SEC14L4: variants seen among roughly 807,000 people sequenced by gnomAD.
SEC14L4 encodes the protein SEC14 like lipid binding 4, also known as SEC14-like protein 4.
SEC14L4 carries 42 observed loss-of-function variants against 55.1 expected under a neutral mutation model. The ratio of observed to expected loss-of-function variants is 0.76; its 90% CI spans 0.60 to 0.99. SEC14L4 has a LOEUF of 0.99. Among genes scored for constraint, SEC14L4 ranks in the 50% least tolerant of loss-of-function variants. The probability of loss-of-function intolerance (pLI) is 0.00; values close to 1 mark genes in which losing one functional copy is unlikely to be tolerated. For missense variants in SEC14L4, 445 were observed against 512.1 expected (o/e 0.87, Z 1.27); for synonymous variants, 206 against 206.8 (o/e 1.00, Z 0.03).
chr22:30,490,139 G>A lies in SEC14L4; in HGVS notation c.1189C>T (p.Leu397Phe), dbSNP rs1203265700. 1 of 1,614,058 alleles carries A rather than the reference G, an allele frequency of 6.2e-7. No homozygotes were observed. The highest frequency in any genetic ancestry group is 2.2e-5 in the East Asian group (1 of 44,880). Residue 397 changes from leucine (L) to phenylalanine (F), a missense_variant, in exon 12 of 12, where the codon CTC (leucine) becomes TTC (phenylalanine). Leu to Phe is a conservative substitution (Grantham distance 22). Coordinates refer to ENST00000255858, the MANE Select transcript of SEC14L4 (RefSeq NM_174977.4). ...GTTGGGGAGGGTCTCATCGCCTTGA[G>A]ACTCTGCAGCGTCTCCTCAGAGGCC... ...DKASEETLQS[L>F]KAMRPSPTQ
rs773881704 is a variant in SEC14L4 at position 30,491,612 on chromosome 22, G to C, written c.1042C>G (p.Pro348Ala). 1.2e-6 allele frequency: 2 copies of C among 1,613,996 alleles called. No homozygotes were observed. The highest frequency in any genetic ancestry group is 1.7e-6 in the Non-Finnish European group (2 of 1,180,008). ...PSQRYNAHMV[P>A]EDGSLTCLQA... is the part of the protein sequence containing the mutation. The stretch of plus-strand genomic sequence containing the variant: ...AGGCAGGTGAGGCTCCCATCCTCAG[G>C]CACCATGTGGGCATTGTAGCGCTGG... The change falls in exon 11 of 12, where the codon CCT (proline) becomes GCT (alanine). Residue 348 changes from proline (P) to alanine (A), a missense_variant. By Grantham distance (27) the Pro-to-Ala change is conservative. Coordinates refer to ENST00000255858, the MANE Select transcript of SEC14L4 (RefSeq NM_174977.4).
At chr22:30,505,052 A>G (rs977823299) in intron 1 of SEC14L4, among the ~76,000 whole-genome samples, 6 of 151,694 alleles carry the variant, frequency 4.0e-5, no homozygotes, top group African/African-American at 1.5e-4. Flanking sequence ...GAATCGCTTG[A>G]ACTCAGGAGG....
chr22:30,496,933 G>A (rs111957683), intron 2 of SEC14L4, among the ~76,000 whole-genome samples: 2 of 152,256 alleles, frequency 1.3e-5, no homozygotes, highest in African/African-American at 4.8e-5. Flanking sequence ...GGCTCACTGA[G>A]GAATTTGTCC....
intron 11 of SEC14L4, chr22:30,491,278 C>G (rs1601840991): frequency 2.3e-6 from 1 of 431,114 alleles, no homozygotes; most frequent in East Asian, 3.8e-5. Flanking sequence ...TGCCAAGACC[C>G]CTGACTCTAA....
At chr22:30,495,852 A>C in intron 3 of SEC14L4, 76 bp downstream of exon 3, 1 of 1,591,638 alleles carries the variant, frequency 6.3e-7, no homozygotes, top group South Asian at 1.1e-5. Context: ...ACAGGGCCAG[A>C]GTCTCTACCC....
chr22:30,494,767 C>T (rs1272490039), intron 6 of SEC14L4, 99 bp downstream of exon 6: 2 of 785,372 alleles, frequency 2.5e-6, no homozygotes, highest in Non-Finnish European at 2.2e-6. Flanking sequence ...AAGGCATCCC[C>T]ACCCCTCTAT....
Position 30,489,654 on chromosome 22 carries a change from ACCT to A in SEC14L4, c.*450_*452del. ...CAGCTGGGCCTGCCCACCCCTGCTGACCTCCTACATGCAGAGAACAGGGCTTCT... is the reference window on the plus strand; with the variant it reads ...CAGCTGGGCCTGCCCACCCCTGCTGACCTACATGCAGAGAACAGGGCTTCT... On this transcript the variant is annotated 3_prime_UTR_variant, in exon 12 of 12. Transcript: ENST00000255858. The A allele has an allele frequency of 1.7e-6, 1 of 603,800 alleles. No individual in the cohort carries two copies. Among genetic ancestry groups the A allele is most frequent in the East Asian group, 2.8e-5 (1 of 36,076 alleles). The allele number at this position is 603,800 out of a possible 1,614,324, so 37.4% of individuals were successfully genotyped here. A position where few individuals can be genotyped will look rare whatever the true frequency, so the allele number is the denominator to read the frequency against.
chr22:30,494,121 C>T, intron 7 of SEC14L4, 29 bp downstream of exon 7: 2 of 1,567,630 alleles, frequency 1.3e-6, no homozygotes, highest in Non-Finnish European at 8.8e-7. Flanking sequence ...TTCTCCCTCC[C>T]CAGGAGGTCA....
In SEC14L4 at chr22:30,490,030, A is replaced by G. The variant is rs1395849317; in HGVS notation, c.*77T>C. On this transcript the variant is annotated 3_prime_UTR_variant, in exon 12 of 12. Transcript: ENST00000255858. ...GCTCTCTGCAGCCACCTCCAGCACC[A>G]CCCTGCCTGGGAAGGCAGGGGTCAG... The G allele has an allele frequency of 1.3e-6, 2 of 1,589,740 alleles. No individual in the cohort carries two copies.
intron 3 of SEC14L4, 73 bp from the exon 4 acceptor site, chr22:30,495,715 A>G (rs773345051): frequency 6.2e-7 from 1 of 1,612,200 alleles, no homozygotes. Flanking sequence ...CTCTGCCCAC[A>G]GCCACCAAGA....
chr22:30,496,039 T>C, intron 2 of SEC14L4, 68 bp from the exon 3 acceptor site: 4 of 1,370,996 alleles, frequency 2.9e-6, no homozygotes. Context: ...TAAAAACTCA[T>C]GAGGAAACAG....
intron 2 of SEC14L4, among the ~76,000 whole-genome samples, chr22:30,497,656 C>T (rs1936193053): frequency 6.6e-6 from 1 of 152,264 alleles, no homozygotes; most frequent in Non-Finnish European, 1.5e-5. Flanking sequence ...CCAAATCTGA[C>T]CTGTGATGAT....
At position 30,490,290 on chromosome 22, in the gene SEC14L4, T is replaced by TCC. The variant is rs747288826; in HGVS notation, c.1082-45_1082-44insGG. The TCC allele has an allele frequency of 1.0e-5, 16 of 1,606,514 alleles. No homozygotes were observed. The Admixed American group carries it at 2.7e-4, about 27-fold the overall frequency. ...GATCAGGGAGCACAAACCCCGCACA[T>TCC]CTGCAGGAAGAGCCAGCCCTGCATG... On this transcript the variant is annotated intron_variant, in intron 11 of 11. Coordinates refer to ENST00000255858, the MANE Select transcript of SEC14L4 (RefSeq NM_174977.4).
At chr22:30,505,118 C>G (rs8135296) in intron 1 of SEC14L4, among the ~76,000 whole-genome samples, 2,413 of 131,074 alleles carry the variant, frequency 0.018, 43 homozygotes, top group Middle Eastern at 0.06. Flanking sequence ...GACGACAGAG[C>G]AAGACTCCAT....
Position 30,492,063 on chromosome 22 carries a change from T to G in SEC14L4, c.757A>C (p.Lys253Gln). 1.9e-6 allele frequency: 3 copies of G among 1,613,780 alleles called. No homozygotes were observed. The East Asian group carries it at 6.7e-5, about 36-fold the overall frequency. The part of the protein sequence containing the change: ...GTMTDPDGNP[K>Q]CLTKINYGGE... ...GCACCCTGTACCTTGGTCAGGCACT[T>G]GGGGTTGCCATCGGGGTCAGTCATG... The change falls in exon 9 of 12, where the codon AAG (lysine) becomes CAG (glutamine). Residue 253 changes from lysine to glutamine, a missense_variant. Lys to Gln is a moderately conservative substitution (Grantham distance 53). Transcript: ENST00000255858.
chr22:30,489,689 T>C lies in SEC14L4; in HGVS notation c.*418A>G. ...TGCAGAGAACAGGGCTTCTCTGCTC[T>C]TCAGGCCTGAAGCTGTGATGTCCAC... On this transcript the variant is annotated 3_prime_UTR_variant, in exon 12 of 12. Transcript: ENST00000255858. 3.0e-6 allele frequency: 2 copies of C among 660,348 alleles called. No individual in the cohort carries two copies. The highest frequency in any genetic ancestry group is 2.7e-5 in the East Asian group (1 of 36,902). The allele number at this position is 660,348 out of a possible 1,614,324, so 40.9% of individuals were successfully genotyped here.
At chr22:30,494,104 T>A (rs775581224) in intron 7 of SEC14L4, 46 bp downstream of exon 7, 2 of 1,430,352 alleles carry the variant, frequency 1.4e-6, no homozygotes, top group Non-Finnish European at 2.0e-6. Context: ...GTACCCCCAA[T>A]TCCTGCTTCT....
chr22:30,503,367 C>T (rs7292758), intron 2 of SEC14L4, among the ~76,000 whole-genome samples: 49,353 of 151,494 alleles, frequency 0.33, 8,147 homozygotes, highest in Admixed American at 0.35. Flanking sequence ...CGGGTTCAAG[C>T]GATTCTCCTG....
intron 2 of SEC14L4, among the ~76,000 whole-genome samples, chr22:30,499,835 A>T (rs1936264390): frequency 6.6e-6 from 1 of 151,932 alleles, no homozygotes. Flanking sequence ...TCACTCTCTC[A>T]TAGGTTCTTA....
Sources: gnomAD v4.1 joint callset for allele counts (sites outside exome capture counted in the v4.1 genomes callset) on GRCh38, gnomAD v4.1.1 for gene constraint, MANE v1.5 for transcripts, NCBI Gene and HGNC (gene_info 2026-07-23, HGNC 2026-07-21) for gene names.